Variants in LRRC4C observed in about 807,000 individuals in gnomAD.
LRRC4C encodes leucine-rich repeat-containing protein 4C.
A neutral mutation model predicts 33.6 loss-of-function variants in LRRC4C; 5 were observed. That is an observed-to-expected ratio of 0.15 (90% CI 0.08 to 0.31). The LOEUF is 0.31. Ranked by LOEUF, LRRC4C falls within the 10% of genes least tolerant of loss-of-function variation. LRRC4C has a pLI of 1.00. For synonymous variants in LRRC4C, 329 were observed against 302.0 expected, an observed-to-expected ratio of 1.09 and a Z score of -0.93; for missense variants, 560 against 796.7, an observed-to-expected ratio of 0.70 and a Z score of 3.58.
intron 2 of LRRC4C, among the ~76,000 whole-genome samples, chr11:40,839,739 C>G (rs1444043834): frequency 6.6e-6 from 1 of 152,146 alleles, no homozygotes; most frequent in African/African-American, 2.4e-5. Context: ...AACTGTTAAA[C>G]GCTAAGGCAG....
intron 1 of LRRC4C, among the ~76,000 whole-genome samples, chr11:40,956,470 A>G (rs182048374): frequency 4.3e-4 from 65 of 151,874 alleles, no homozygotes; most frequent in African/African-American, 1.4e-3. Context: ...AAGATCTGCT[A>G]TGTATTTACC....
Position 40,797,757 on chromosome 11 carries a change from A to G in LRRC4C, c.-407+135878T>C, listed in dbSNP as rs146273631. ...ACCTTTCCTGTAAATAAAATTTTGT[A>G]GATGGATTGCCATTTAACTTGACCA... On this transcript the variant is annotated intron_variant, in intron 2 of 6. Transcript: ENST00000528697. 3.4e-3 allele frequency among the ~76,000 whole-genome samples: 515 copies of G among 152,292 alleles called. 2 individuals are homozygous for G. The highest frequency in any genetic ancestry group is 0.012 in the African/African-American group (496 of 41,570).
At chr11:40,492,614 T>C (rs1436615646) in intron 3 of LRRC4C, among the ~76,000 whole-genome samples, 5 of 152,164 alleles carry the variant, frequency 3.3e-5, no homozygotes, top group South Asian at 4.1e-4. Flanking sequence ...CAACTGTTTC[T>C]TCCCAGGCTG....
intron 1 of LRRC4C, among the ~76,000 whole-genome samples, chr11:40,965,813 A>G (rs11036163): frequency 0.27 from 40,832 of 151,534 alleles, 5,651 homozygotes; most frequent in Middle Eastern, 0.33. Flanking sequence ...GATGCCTCCA[A>G]CTTTGTTCTT....
chr11:41,457,525 C>T (rs889231076), intron 1 of LRRC4C, among the ~76,000 whole-genome samples: 2 of 152,082 alleles, frequency 1.3e-5, no homozygotes, highest in Admixed American at 6.6e-5. Context: ...ATATATTATT[C>T]TCACTTTCAG....
At position 40,951,676 on chromosome 11, in the gene LRRC4C, C is replaced by T. The variant is rs115015440; in HGVS notation, c.-495-17953G>A. Among the ~76,000 whole-genome samples, 1,149 of 151,950 alleles carry T rather than the reference C, an allele frequency of 7.6e-3. 12 individuals carry two copies. Among genetic ancestry groups the T allele is most frequent in the African/African-American group, 0.027 (1,102 of 41,470 alleles). ...CACCAAGTCTTATCATAAGGGAATC[C>T]TCTATTAAAAAATAATCATTAAATG... On this transcript the variant is annotated intron_variant, in intron 1 of 6. Transcript: ENST00000528697.
intron 1 of LRRC4C, among the ~76,000 whole-genome samples, chr11:41,284,594 C>G (rs1949766065): frequency 6.6e-6 from 1 of 152,182 alleles, no homozygotes; most frequent in African/African-American, 2.4e-5. Context: ...TCCCCAGCCT[C>G]TCCGCTCCAG....
intron 3 of LRRC4C, among the ~76,000 whole-genome samples, chr11:40,456,485 C>T (rs1156384341): frequency 2.7e-5 from 4 of 149,542 alleles, no homozygotes; most frequent in Admixed American, 2.0e-4. Flanking sequence ...GAATACAGAG[C>T]AAGAAAAAAA....
chr11:41,310,092 G>T (rs1204335054), intron 1 of LRRC4C, among the ~76,000 whole-genome samples: 1 of 152,132 alleles, frequency 6.6e-6, no homozygotes, highest in African/African-American at 2.4e-5. Flanking sequence ...GGGTTTCAAT[G>T]ACCATGATTT....
chr11:41,090,488 T>C (rs1672228173), intron 1 of LRRC4C, among the ~76,000 whole-genome samples: 1 of 152,132 alleles, frequency 6.6e-6, no homozygotes, highest in Non-Finnish European at 1.5e-5. Flanking sequence ...TTTTCATCAA[T>C]AATTAAGAAA....
chr11:40,734,691 CAT>C (rs1394814580), intron 2 of LRRC4C, among the ~76,000 whole-genome samples: 1 of 151,912 alleles, frequency 6.6e-6, no homozygotes, highest in Non-Finnish European at 1.5e-5. Context: ...AATAAAGAAA[CAT>C]ATGTTTCTTT....
rs1944925472 is a variant in LRRC4C, at chr11:40,304,387, T to C, written c.-176+15241A>G. On this transcript the variant is annotated intron_variant, in intron 4 of 6. Coordinates refer to ENST00000528697, the MANE Select transcript of LRRC4C (RefSeq NM_001258419.2). ...AGTCAAGAAGAAACACAGCTTCTGG[T>C]AACATAATACGTAGATTAATGGCAC... 1.3e-5 allele frequency among the ~76,000 whole-genome samples: 2 copies of C among 152,170 alleles called. 1 individual carries two copies. The highest frequency in any genetic ancestry group is 4.1e-4 in the South Asian group (2 of 4,828).
chr11:41,064,289 G>A (rs1305464902), intron 1 of LRRC4C, among the ~76,000 whole-genome samples: 1 of 152,060 alleles, frequency 6.6e-6, no homozygotes, highest in African/African-American at 2.4e-5. Context: ...CATTATAATG[G>A]CTTAGTTTAA....
intron 3 of LRRC4C, among the ~76,000 whole-genome samples, chr11:40,322,495 C>G (rs973722054): frequency 1.3e-5 from 2 of 152,130 alleles, no homozygotes; most frequent in Non-Finnish European, 2.9e-5. Context: ...ATTCACCTGC[C>G]TCACCCTCCC....
chr11:40,845,395 A>G (rs1953110337), intron 2 of LRRC4C, among the ~76,000 whole-genome samples: 1 of 152,068 alleles, frequency 6.6e-6, no homozygotes, highest in Non-Finnish European at 1.5e-5. Flanking sequence ...TATGAGCGAG[A>G]ACCTGATTGC....
At chr11:40,482,522 G>A (rs1275836384) in intron 3 of LRRC4C, among the ~76,000 whole-genome samples, 1 of 151,904 alleles carries the variant, frequency 6.6e-6, no homozygotes, top group Admixed American at 6.6e-5. Context: ...AGGCTGGAGT[G>A]CAATGGCCCA....
intron 3 of LRRC4C, among the ~76,000 whole-genome samples, chr11:40,444,931 T>C (rs1419274314): frequency 2.6e-5 from 4 of 152,188 alleles, no homozygotes; most frequent in African/African-American, 9.7e-5. Flanking sequence ...TTCTTGGGAA[T>C]AGAGGTGGGA....
At chr11:40,267,945 T>A (rs1439916125) in intron 4 of LRRC4C, among the ~76,000 whole-genome samples, 2 of 152,168 alleles carry the variant, frequency 1.3e-5, no homozygotes, top group Non-Finnish European at 2.9e-5. Context: ...ACTCCCTACT[T>A]CGAACCCTTC....
At chr11:40,348,960 G>C (rs1947259066) in intron 3 of LRRC4C, among the ~76,000 whole-genome samples, 1 of 152,048 alleles carries the variant, frequency 6.6e-6, no homozygotes, top group Non-Finnish European at 1.5e-5. Context: ...GTACATAGTA[G>C]GTGTATATAT....
Sources: gnomAD v4.1 joint callset for allele counts (sites outside exome capture counted in the v4.1 genomes callset) on GRCh38, gnomAD v4.1.1 for gene constraint, MANE v1.5 for transcripts, NCBI Gene and HGNC (gene_info 2026-07-23, HGNC 2026-07-21) for gene names.